CSF1: variants seen among roughly 807,000 people sequenced by gnomAD.
CSF1 encodes the protein macrophage colony-stimulating factor 1.
A neutral mutation model predicts 48.9 loss-of-function variants in CSF1; 9 were observed. The observed-to-expected ratio is 0.18, with a 90% CI of 0.11 to 0.32. The LOEUF (loss-of-function observed/expected upper bound fraction) is 0.32. Among genes scored for constraint, CSF1 ranks in the 10% least tolerant of loss-of-function variants. The probability of loss-of-function intolerance (pLI) is 1.00; values close to 1 mark genes in which losing one functional copy is unlikely to be tolerated. For synonymous variants in CSF1, 305 were observed against 284.1 expected (o/e 1.07, Z -0.74); for missense variants, 672 against 697.9 (o/e 0.96, Z 0.42).
chr1:109,921,487 C>T (rs898090700), intron 4 of CSF1, among the ~76,000 whole-genome samples: 5 of 152,220 alleles, frequency 3.3e-5, no homozygotes, highest in Non-Finnish European at 5.9e-5. Context: ...TGCACACCAT[C>T]GGATGGCCCA....
chr1:109,928,222 C>A (rs369588401), intron 8 of CSF1, among the ~76,000 whole-genome samples: 7 of 152,268 alleles, frequency 4.6e-5, no homozygotes, highest in African/African-American at 1.4e-4. Context: ...ATGGATGATG[C>A]GGGAGGCAAG....
intron 6 of CSF1, 91 bp from the exon 7 acceptor site, chr1:109,924,685 A>G (rs1040277846): frequency 1.7e-6 from 2 of 1,190,616 alleles, no homozygotes; most frequent in Non-Finnish European, 2.4e-6. Context: ...CAACTCTCTC[A>G]TAAATACCTG....
rs995361649 is a variant in CSF1, at chr1:109,929,118, C to T, written c.*280C>T. 6.5e-6 allele frequency: 1 copy of T among 152,818 alleles called. No individual in the cohort carries two copies. The highest frequency in any genetic ancestry group is 1.5e-5 in the Non-Finnish European group (1 of 68,178). 9.5% of individuals were successfully genotyped at this position (152,818 alleles called of 1,614,324 possible). On this transcript the variant is annotated 3_prime_UTR_variant, in exon 9 of 9. Transcript: ENST00000329608. Reference sequence around the variant, plus strand: ...ATGTGCTTGAGGAAGGCTGGTGAGCCCGGCTCAGGACCCTCTTCCCTCAGG... The same window carrying T: ...ATGTGCTTGAGGAAGGCTGGTGAGCTCGGCTCAGGACCCTCTTCCCTCAGG...
chr1:109,915,986 G>C (rs1465199585), intron 3 of CSF1, among the ~76,000 whole-genome samples: 1 of 152,002 alleles, frequency 6.6e-6, no homozygotes, highest in Non-Finnish European at 1.5e-5. Flanking sequence ...TATCCACAGA[G>C]AGGTGAAAGG....
At chr1:109,911,134 G>A in intron 1 of CSF1, 72 bp downstream of exon 1, 2 of 942,746 alleles carry the variant, frequency 2.1e-6, no homozygotes, top group South Asian at 4.8e-5. Flanking sequence ...GGCCGGGAGC[G>A]GCCCCTCGGA....
intron 6 of CSF1, among the ~76,000 whole-genome samples, 180 bp downstream of exon 6, chr1:109,924,370 A>C (rs1557738074): frequency 1.3e-5 from 2 of 152,138 alleles, no homozygotes; most frequent in Non-Finnish European, 2.9e-5. Context: ...AGAATTGGGA[A>C]GGTTCAAGCT....
rs1395156251 is a variant in CSF1, at chr1:109,930,981, T to C, written c.*2143T>C. On this transcript the variant is annotated 3_prime_UTR_variant, in exon 9 of 9. Coordinates refer to ENST00000329608, the MANE Select transcript of CSF1 (RefSeq NM_000757.6). Reference sequence around the variant, plus strand: ...CTTATATATTTAATAATAAAAGAAGTGCACAAGCTGCCATGTGAGTCGTGG... The same window carrying C: ...CTTATATATTTAATAATAAAAGAAGCGCACAAGCTGCCATGTGAGTCGTGG... 1 of 152,178 alleles carries C rather than the reference T, an allele frequency of 6.6e-6. No individual in the cohort carries two copies. The highest frequency in any genetic ancestry group is 1.5e-5 in the Non-Finnish European group (1 of 68,046). 9.4% of individuals were successfully genotyped at this position (152,178 alleles called of 1,614,324 possible).
intron 1 of CSF1, among the ~76,000 whole-genome samples, chr1:109,913,397 G>A (rs1389557716): frequency 6.6e-6 from 1 of 152,218 alleles, no homozygotes; most frequent in Non-Finnish European, 1.5e-5. Context: ...AGGGCCAGGG[G>A]TAGGGATGAG....
intron 1 of CSF1, 148 bp downstream of exon 1, chr1:109,911,210 G>A (rs1002900139): frequency 6.7e-5 from 26 of 389,978 alleles, no homozygotes; most frequent in Admixed American, 1.3e-4. Context: ...CCGCCTTTGC[G>A]CACGGACTGG....
Position 109,923,486 on chromosome 1 carries a change from C to T in CSF1, c.865C>T (p.Pro289Ser). Residue 289 changes from proline to serine, a missense_variant, in exon 6 of 9, where the codon CCC becomes TCC. Around this residue, in one of 3 missense-constraint regions of CSF1, gnomAD observed 591 missense variants for 593.6 expected, o/e 1.00. Transcript: ENST00000329608. Reference sequence around the variant, plus strand: ...TCGCCCCTCTGTCGGGGCCTTCAACCCCGGGATGGAGGATATTCTTGACTC... The same window carrying T: ...TCGCCCCTCTGTCGGGGCCTTCAACTCCGGGATGGAGGATATTCTTGACTC... ...QPRPSVGAFN[P>S]GMEDILDSAM... 1 of 1,614,158 alleles carries T rather than the reference C, an allele frequency of 6.2e-7. No homozygotes were observed. Among genetic ancestry groups the T allele is most frequent in the Non-Finnish European group, 8.5e-7 (1 of 1,180,010 alleles).
Position 109,917,720 on chromosome 1 carries a change from T to C in CSF1, c.396+257T>C, listed in dbSNP as rs148591323. 9.0e-3 allele frequency among the ~76,000 whole-genome samples: 1,368 copies of C among 152,328 alleles called. 28 individuals carry two copies. Among genetic ancestry groups the C allele is most frequent in the African/African-American group, 0.031 (1,299 of 41,570 alleles). On this transcript the variant is annotated intron_variant, in intron 4 of 8. Coordinates refer to ENST00000329608, the MANE Select transcript of CSF1 (RefSeq NM_000757.6). ...CTTATAGTCAAGTGAGCTTGGCAGC[T>C]GTTAAACAAACCATGACACCAGTAA...
At chr1:109,924,859 A>C (rs1312646496) in intron 7 of CSF1, 31 bp downstream of exon 7, 2 of 1,596,940 alleles carry the variant, frequency 1.3e-6, no homozygotes, top group South Asian at 1.1e-5. Flanking sequence ...TCTGGGAGGC[A>C]CTGGGGGCCT....
At chr1:109,914,933 C>T (rs993395938) in intron 2 of CSF1, among the ~76,000 whole-genome samples, 2 of 152,254 alleles carry the variant, frequency 1.3e-5, no homozygotes, top group African/African-American at 4.8e-5. Flanking sequence ...GAGCCTGTAT[C>T]TCATTCTAAT....
Position 109,923,177 on chromosome 1 carries a change from A to C in CSF1, c.556A>C (p.Lys186Gln). 1 of 1,517,884 alleles carries C rather than the reference A, an allele frequency of 6.6e-7. No individual in the cohort carries two copies. The highest frequency in any genetic ancestry group is 1.3e-5 in the South Asian group (1 of 75,474). 94.0% of individuals were successfully genotyped at this position (1,517,884 alleles called of 1,614,324 possible). A position where few individuals can be genotyped will look rare whatever the true frequency, so the allele number is the denominator to read the frequency against. The stretch of plus-strand genomic sequence containing the variant: ...TGTGGTTCTTTCAGATGTGGTGACC[A>C]AGCCTGATTGCAACTGCCTGTACCC... ...AECSSQDVVT[K>Q]PDCNCLYPKA... The change falls in exon 6 of 9, where the codon AAG becomes CAG. Residue 186 changes from lysine (K) to glutamine (Q), a missense_variant. By Grantham distance (53) the Lys-to-Gln change is moderately conservative. Transcript: ENST00000329608.
chr1:109,920,971 C>G (rs900978298), intron 4 of CSF1, among the ~76,000 whole-genome samples: 1 of 152,044 alleles, frequency 6.6e-6, no homozygotes, highest in Non-Finnish European at 1.5e-5. Flanking sequence ...TGTGGGAAGC[C>G]GGGGCCCCTT....
chr1:109,914,300 G>A lies in CSF1; in HGVS notation c.81G>A (p.Ala27=), dbSNP rs1306840358. The A allele has an allele frequency of 1.2e-6, 2 of 1,607,892 alleles. No homozygotes were observed. The highest frequency in any genetic ancestry group is 2.2e-5 in the East Asian group (1 of 44,682). ...TGCTGTTGTTGGTCTGTCTCCTGGC[G>A]AGCAGGAGTATCACCGAGGAGGTGT... ...GSLLLLVCLL[A]SRSITEEVSE... The change falls in exon 2 of 9, where the codon GCG becomes GCA. Residue 27 remains alanine (A), a synonymous_variant. Transcript: ENST00000329608.
At position 109,923,476 on chromosome 1, in the gene CSF1, G is replaced by A. The variant is rs758512282; in HGVS notation, c.855G>A (p.Gly285=). ...CACCACAGCCTCGCCCCTCTGTCGG[G>A]GCCTTCAACCCCGGGATGGAGGATA... is the stretch of plus-strand genomic sequence containing the variant. ...GGSPQPRPSV[G]AFNPGMEDIL... is the part of the protein sequence containing the mutation. Residue 285 remains glycine, a synonymous_variant, in exon 6 of 9, where the codon GGG becomes GGA. Transcript: ENST00000329608. 5 of 1,614,066 alleles carry A rather than the reference G, an allele frequency of 3.1e-6. No homozygotes were observed. The South Asian group carries it at 3.3e-5, about 11-fold the overall frequency.
At chr1:109,924,216 G>A (rs1647729826) in intron 6 of CSF1, 26 bp downstream of exon 6, 3 of 1,572,384 alleles carry the variant, frequency 1.9e-6, no homozygotes, top group Non-Finnish European at 2.6e-6. Flanking sequence ...TGAGGAAGAA[G>A]AGCACGTCCC....
Position 109,923,177 on chromosome 1 carries a change from A to G in CSF1, c.556A>G (p.Lys186Glu). The change falls in exon 6 of 9, where the codon AAG (lysine) becomes GAG (glutamate). Residue 186 changes from lysine (K) to glutamate (E), a missense_variant. By Grantham distance (56) the Lys-to-Glu change is moderately conservative. This residue lies in a region of CSF1 where 591 missense variants were observed against 593.6 expected (regional missense o/e 1.00). Coordinates refer to ENST00000329608, the MANE Select transcript of CSF1 (RefSeq NM_000757.6). ...AECSSQDVVT[K>E]PDCNCLYPKA... is the part of the protein sequence containing the mutation. ...TGTGGTTCTTTCAGATGTGGTGACCAAGCCTGATTGCAACTGCCTGTACCC... is the reference window on the plus strand; with the variant it reads ...TGTGGTTCTTTCAGATGTGGTGACCGAGCCTGATTGCAACTGCCTGTACCC... 6.6e-7 allele frequency: 1 copy of G among 1,517,884 alleles called. No homozygotes were observed. The highest frequency in any genetic ancestry group is 8.8e-7 in the Non-Finnish European group (1 of 1,133,206). 94.0% of individuals were successfully genotyped at this position (1,517,884 alleles called of 1,614,324 possible). A position where few individuals can be genotyped will look rare whatever the true frequency, so the allele number is the denominator to read the frequency against.
Sources: allele counts gnomAD v4.1 joint callset (sites outside exome capture counted in the v4.1 genomes callset), GRCh38; gene constraint gnomAD v4.1.1; regional missense constraint gnomAD v4.1.1; transcripts MANE v1.5; gene names NCBI Gene and HGNC (gene_info 2026-07-23, HGNC 2026-07-21).